Variants in OIP5 observed in about 807,000 individuals in gnomAD.
OIP5 encodes the protein Opa interacting protein 5.
Under a neutral mutation model 20.3 loss-of-function variants are expected in OIP5, and 24 were observed. That is an observed-to-expected ratio of 1.18 (90% CI 0.86 to 1.66). The LOEUF (loss-of-function observed/expected upper bound fraction) is 1.66, where lower values mean the gene tolerates loss of function less well. OIP5 is among the 40% of genes most tolerant of loss of function. OIP5 has a pLI of 0.00. For synonymous variants in OIP5, 143 were observed against 121.3 expected (o/e 1.18, Z -1.17); for missense variants, 339 against 289.5 (o/e 1.17, Z -1.24).
At chr15:41,326,573 G>A (rs902496589) in intron 2 of OIP5, among the ~76,000 whole-genome samples, 1 of 152,138 alleles carries the variant, frequency 6.6e-6, no homozygotes, top group Non-Finnish European at 1.5e-5. Context: ...GATTACAGGC[G>A]TGCACCACCA....
intron 2 of OIP5, among the ~76,000 whole-genome samples, chr15:41,321,871 T>C (rs1371220740): frequency 6.6e-6 from 1 of 150,722 alleles, no homozygotes; most frequent in African/African-American, 2.4e-5. Context: ...ACTATTGTCC[T>C]ATGACCCTGC....
intron 3 of OIP5, among the ~76,000 whole-genome samples, chr15:41,317,405 G>A (rs1046468260): frequency 6.8e-6 from 1 of 147,292 alleles, no homozygotes; most frequent in Non-Finnish European, 1.5e-5. Flanking sequence ...TTTTGAGACA[G>A]AGTCTCGCTC....
At position 41,314,421 on chromosome 15, in the gene OIP5, C is replaced by A. The variant is rs1198660959; in HGVS notation, c.513-1067G>T. 2.0e-5 allele frequency among the ~76,000 whole-genome samples: 3 copies of A among 151,948 alleles called. No homozygotes were observed. In the East Asian group the frequency reaches 5.8e-4, roughly 30 times the overall value. ...GCCTTCCTCACTTCTTTATTGCCAA[C>A]AGAATCCAGATTTTTGCCATGAGCC... On this transcript the variant is annotated intron_variant, in intron 3 of 4. Coordinates refer to ENST00000220514, the MANE Select transcript of OIP5 (RefSeq NM_007280.2).
chr15:41,312,814 G>C (rs979936192), intron 4 of OIP5, among the ~76,000 whole-genome samples: 2 of 151,232 alleles, frequency 1.3e-5, no homozygotes, highest in African/African-American at 4.9e-5. Context: ...ATTTGTAATA[G>C]AGATGGGGTT....
intron 3 of OIP5, 26 bp from the exon 4 acceptor site, chr15:41,313,380 A>ATC: frequency 8.1e-7 from 1 of 1,242,164 alleles, no homozygotes; most frequent in Non-Finnish European, 1.2e-6. Flanking sequence ...GAAAAATATT[A>ATC]GTGTCATACC....
intron 3 of OIP5, among the ~76,000 whole-genome samples, chr15:41,315,120 TA>T (rs1026487802): frequency 1.4e-5 from 2 of 140,408 alleles, no homozygotes; most frequent in Admixed American, 7.1e-5. Flanking sequence ...AAAAAAAGAA[TA>T]AAAAAAAGAT....
intron 2 of OIP5, among the ~76,000 whole-genome samples, chr15:41,325,370 C>T (rs1415765808): frequency 1.3e-5 from 2 of 151,990 alleles, no homozygotes; most frequent in South Asian, 2.1e-4. Flanking sequence ...CACGCCACTG[C>T]ACTCCAGCCT....
chr15:41,318,403 C>T (rs1001366029), intron 3 of OIP5, among the ~76,000 whole-genome samples: 1 of 152,112 alleles, frequency 6.6e-6, no homozygotes, highest in African/African-American at 2.4e-5. Context: ...CTCAGGTGAA[C>T]CCCCGACCTC....
At chr15:41,318,835 T>C (rs2047804354) in intron 3 of OIP5, among the ~76,000 whole-genome samples, 1 of 150,408 alleles carries the variant, frequency 6.6e-6, no homozygotes, top group African/African-American at 2.4e-5. Flanking sequence ...ACTGGGACTA[T>C]AGGGGCACGC....
intron 3 of OIP5, among the ~76,000 whole-genome samples, chr15:41,319,290 A>G (rs2047807680): frequency 6.7e-6 from 1 of 149,836 alleles, no homozygotes; most frequent in South Asian, 2.1e-4. Context: ...CCCAGGCTGG[A>G]GTGCAGTGGC....
Position 41,318,716 on chromosome 15 carries a change from C to CT in OIP5, c.512+941dup, listed in dbSNP as rs11287857. 1.7e-3 allele frequency among the ~76,000 whole-genome samples: 249 copies of CT among 143,810 alleles called. 5 individuals carry two copies. Among genetic ancestry groups the CT allele is most frequent in the South Asian group, 0.017 (77 of 4,536 alleles). The allele number at this position is 143,810 out of a possible 152,430, so 94.3% of individuals were successfully genotyped here. ...ATAAGATTATATTTTGGTCCCACTG[C>CT]TTTTTTTTTTTTTTGTCACCCAAAG... On this transcript the variant is annotated intron_variant, in intron 3 of 4. Coordinates refer to ENST00000220514, the MANE Select transcript of OIP5 (RefSeq NM_007280.2).
rs1243635522 is a variant in OIP5, at chr15:41,332,476, T to C, written c.86A>G (p.Asp29Gly). 1.9e-6 allele frequency: 3 copies of C among 1,614,046 alleles called. No homozygotes were observed. Among genetic ancestry groups the C allele is most frequent in the South Asian group, 2.2e-5 (2 of 91,082 alleles). Residue 29 changes from aspartate to glycine, a missense_variant, in exon 1 of 5, where the codon GAC (aspartate) becomes GGC (glycine). Transcript: ENST00000220514. ...CATGGAGGTCGTAAAAGAAGCTTGG[T>C]CAATCGCCCTCTCAGTGCCACCACA... ...DFCGGTERAI[D>G]QASFTTSMEW...
At position 41,332,321 on chromosome 15, in the gene OIP5, C is replaced by T. The variant is rs779407877; in HGVS notation, c.241G>A (p.Ala81Thr). Residue 81 changes from alanine (A) to threonine (T), a missense_variant, in exon 1 of 5, where the codon GCA becomes ACA. By Grantham distance (58) the Ala-to-Thr change is moderately conservative. Coordinates refer to ENST00000220514, the MANE Select transcript of OIP5 (RefSeq NM_007280.2). ...QPERCAVFQC[A>T]QCHAVLADSV... ...TCGGCGAGCACTGCGTGACACTGTG[C>T]GCACTGGAACACAGCGCACCTCTCA... 1 of 1,608,044 alleles carries T rather than the reference C, an allele frequency of 6.2e-7. No homozygotes were observed. Among genetic ancestry groups the T allele is most frequent in the Non-Finnish European group, 8.5e-7 (1 of 1,177,336 alleles).
chr15:41,332,361 C>T lies in OIP5; in HGVS notation c.201G>A (p.Pro67=), dbSNP rs745873235. 7 of 1,612,716 alleles carry T rather than the reference C, an allele frequency of 4.3e-6. No individual in the cohort carries two copies. The highest frequency in any genetic ancestry group is 5.1e-6 in the Non-Finnish European group (6 of 1,179,226). Residue 67 remains proline, a synonymous_variant, in exon 1 of 5, where the codon CCG becomes CCA. Coordinates refer to ENST00000220514, the MANE Select transcript of OIP5 (RefSeq NM_007280.2). ...AEEPAAGPQL[P]SWLQPERCAV... ...CGCACCTCTCAGGCTGCAGCCAAGACGGCAGCTGCGGGCCGGCGGCTGGCT... is the reference window on the plus strand; with the variant it reads ...CGCACCTCTCAGGCTGCAGCCAAGATGGCAGCTGCGGGCCGGCGGCTGGCT...
chr15:41,317,248 C>A (rs1300952259), intron 3 of OIP5, among the ~76,000 whole-genome samples: 1 of 152,084 alleles, frequency 6.6e-6, no homozygotes, highest in Non-Finnish European at 1.5e-5. Context: ...AAATAGCTAT[C>A]CCATACATAG....
At chr15:41,313,500 C>T in intron 3 of OIP5, 146 bp from the exon 4 acceptor site, 4 of 577,540 alleles carry the variant, frequency 6.9e-6, no homozygotes, top group Non-Finnish European at 1.2e-5. Context: ...TTACAGTTGG[C>T]CCACCATATC....
At chr15:41,331,117 C>T (rs904301374) in intron 2 of OIP5, among the ~76,000 whole-genome samples, 3 of 152,162 alleles carry the variant, frequency 2.0e-5, no homozygotes, top group Non-Finnish European at 4.4e-5. Flanking sequence ...ATATTTTAAC[C>T]GTAACGTTGA....
chr15:41,324,471 C>G (rs2047849393), intron 2 of OIP5, among the ~76,000 whole-genome samples: 1 of 152,214 alleles, frequency 6.6e-6, no homozygotes, highest in Middle Eastern at 3.4e-3. Context: ...ACTGGAATAG[C>G]ACTTTTAATT....
At position 41,309,749 on chromosome 15, in the gene OIP5, C is replaced by G. The variant is rs2047742380; in HGVS notation, c.*5G>C. 1 of 1,600,872 alleles carries G rather than the reference C, an allele frequency of 6.2e-7. No homozygotes were observed. The highest frequency in any genetic ancestry group is 8.6e-7 in the Non-Finnish European group (1 of 1,168,788). ...TGAACCTGACACTCAAGCTTTGGTA[C>G]AGGATCAGTTTTCTGGCTTGGACTG... On this transcript the variant is annotated 3_prime_UTR_variant, in exon 5 of 5. Transcript: ENST00000220514.
Sources: allele counts gnomAD v4.1 joint callset (sites outside exome capture counted in the v4.1 genomes callset), GRCh38; gene constraint gnomAD v4.1.1; transcripts MANE v1.5; gene names NCBI Gene and HGNC (gene_info 2026-07-23, HGNC 2026-07-21).